The following BSPRY variants were observed in gnomAD, a reference collection of about 807,000 sequenced individuals.
BSPRY encodes the protein B-box and SPRY domain containing.
A neutral mutation model predicts 38.0 loss-of-function variants in BSPRY; 33 were observed. The observed-to-expected ratio is 0.87, with a 90% CI of 0.66 to 1.16. BSPRY has a LOEUF of 1.16. Among genes scored for constraint, BSPRY ranks in the 50% most tolerant of loss-of-function variants. BSPRY has a pLI of 0.00. For synonymous variants in BSPRY, 224 were observed against 228.5 expected (o/e 0.98, Z 0.18); for missense variants, 523 against 533.2 (o/e 0.98, Z 0.19).
intron 1 of BSPRY, among the ~76,000 whole-genome samples, chr9:113,352,889 G>A (rs779043879): frequency 1.3e-5 from 2 of 152,168 alleles, no homozygotes; most frequent in Non-Finnish European, 2.9e-5. Flanking sequence ...CTTTGGAGAT[G>A]GGGTTGATAG....
At chr9:113,361,081 C>T (rs150074121) in intron 3 of BSPRY, among the ~76,000 whole-genome samples, 2 of 152,260 alleles carry the variant, frequency 1.3e-5, no homozygotes, top group Non-Finnish European at 2.9e-5. Flanking sequence ...CTGTCTGCAG[C>T]AAGAATCCTG....
In BSPRY at chr9:113,370,717, GT is replaced by G. The variant is rs1834335448; in HGVS notation, c.*577del. 6.6e-6 allele frequency: 1 copy of G among 152,276 alleles called. No homozygotes were observed. Among genetic ancestry groups the G allele is most frequent in the South Asian group, 2.1e-4 (1 of 4,836 alleles). 9.4% of individuals were successfully genotyped at this position (152,276 alleles called of 1,614,324 possible). A position where few individuals can be genotyped will look rare whatever the true frequency, so the allele number is the denominator to read the frequency against. ...TAGGTGGACAGGTGACTGGGTGGAT[GT>G]TGTGGTCTCTGGAGAAGCACTGCCA... On this transcript the variant is annotated 3_prime_UTR_variant, in exon 6 of 6. Coordinates refer to ENST00000374183, the MANE Select transcript of BSPRY (RefSeq NM_017688.3). This position sits in a 1 kb window ranked among gnomAD's most constrained non-coding sequence, Gnocchi z 4.8.
Position 113,369,924 on chromosome 9 carries a change from G to C in BSPRY, c.991G>C (p.Asp331His). 1 of 1,614,210 alleles carries C rather than the reference G, an allele frequency of 6.2e-7. No homozygotes were observed. Among genetic ancestry groups the C allele is most frequent in the Non-Finnish European group, 8.5e-7 (1 of 1,180,028 alleles). ...NAFSWVFSRY[D>H]QEFRFSHNGQ... The stretch of plus-strand genomic sequence containing the variant: ...CTTCTCCTGGGTCTTCTCTCGCTAT[G>C]ATCAGGAGTTTCGTTTCTCACACAA... The change falls in exon 6 of 6, where the codon GAT (aspartate) becomes CAT (histidine). Residue 331 changes from aspartate to histidine, a missense_variant. Transcript: ENST00000374183.
At chr9:113,360,461 G>A (rs1235295787) in intron 2 of BSPRY, 46 bp from the exon 3 acceptor site, 3 of 1,539,928 alleles carry the variant, frequency 1.9e-6, no homozygotes, top group African/African-American at 1.4e-5. Context: ...AATCCTGACC[G>A]GGGCTTTGCA....
At position 113,360,550 on chromosome 9, in the gene BSPRY, G is replaced by A; in HGVS notation, c.344G>A (p.Ser115Asn). ...AARELVIQRLSLVRSLCESEE... is the reference protein window; with the variant it reads ...AARELVIQRLNLVRSLCESEE... Reference sequence around the variant, plus strand: ...AGGGAACTGGTTATCCAGCGGTTGAGTCTGGTGAGGAGTCTTTGCGAGAGC... The same window carrying A: ...AGGGAACTGGTTATCCAGCGGTTGAATCTGGTGAGGAGTCTTTGCGAGAGC... Residue 115 changes from serine (S) to asparagine (N), a missense_variant, in exon 3 of 6, where the codon AGT becomes AAT. Physicochemically the swap from Ser to Asn is conservative, Grantham distance 46. Transcript: ENST00000374183. 6.2e-7 allele frequency: 1 copy of A among 1,606,922 alleles called. No homozygotes were observed. Among genetic ancestry groups the A allele is most frequent in the Non-Finnish European group, 8.5e-7 (1 of 1,178,130 alleles).
At chr9:113,352,441 T>G (rs761406682) in intron 1 of BSPRY, among the ~76,000 whole-genome samples, 1 of 151,050 alleles carries the variant, frequency 6.6e-6, no homozygotes, top group Non-Finnish European at 1.5e-5. Flanking sequence ...AGGGAAGACC[T>G]CTCTGAAGAG....
chr9:113,368,574 A>T (rs1478786914), intron 5 of BSPRY, among the ~76,000 whole-genome samples, 191 bp downstream of exon 5: 5 of 152,118 alleles, frequency 3.3e-5, no homozygotes, highest in Non-Finnish European at 7.4e-5. Flanking sequence ...AGTCCTTCCC[A>T]TTTCCGGACT....
chr9:113,352,132 C>T (rs1183864285), intron 1 of BSPRY, among the ~76,000 whole-genome samples: 1 of 152,104 alleles, frequency 6.6e-6, no homozygotes, highest in Non-Finnish European at 1.5e-5. Context: ...TTCTAAAACT[C>T]CCCTGAGCTC....
At chr9:113,353,742 G>A (rs1445953659) in intron 1 of BSPRY, among the ~76,000 whole-genome samples, 5 of 151,968 alleles carry the variant, frequency 3.3e-5, no homozygotes, top group Non-Finnish European at 7.4e-5. Flanking sequence ...ATAAACACAA[G>A]ACAAAATGGA....
chr9:113,351,165 C>A (rs1180459649), intron 1 of BSPRY, among the ~76,000 whole-genome samples: 1 of 151,998 alleles, frequency 6.6e-6, no homozygotes, highest in African/African-American at 2.4e-5. Context: ...AAGAGTGAAG[C>A]CTCGGGCAGG....
At chr9:113,360,270 C>G (rs559686016) in intron 2 of BSPRY, among the ~76,000 whole-genome samples, 9 of 152,288 alleles carry the variant, frequency 5.9e-5, no homozygotes, top group African/African-American at 2.2e-4. Context: ...GATCATGGCT[C>G]CCTGAGATAT....
chr9:113,366,435 G>GT (rs1834253570), intron 4 of BSPRY, among the ~76,000 whole-genome samples: 2 of 152,214 alleles, frequency 1.3e-5, no homozygotes, highest in Admixed American at 1.3e-4. Flanking sequence ...TGGCTCTGGT[G>GT]TTTCCACGCT....
Position 113,368,244 on chromosome 9 carries a change from T to C in BSPRY, c.558-15T>C, listed in dbSNP as rs1468626007. 6.2e-7 allele frequency: 1 copy of C among 1,613,716 alleles called. No homozygotes were observed. Among genetic ancestry groups the C allele is most frequent in the Admixed American group, 1.7e-5 (1 of 59,986 alleles). The stretch of plus-strand genomic sequence containing the variant: ...AACCATCCTGAATCTCTGTCTCTGT[T>C]TTTCCCCATATAAGGACCGAAGAAG... On this transcript the variant is annotated splice_polypyrimidine_tract_variant and intron_variant, in intron 4 of 5. Coordinates refer to ENST00000374183, the MANE Select transcript of BSPRY (RefSeq NM_017688.3).
At chr9:113,362,544 A>G (rs559778773) in intron 4 of BSPRY, 150 bp downstream of exon 4, 1 of 798,172 alleles carries the variant, frequency 1.3e-6, no homozygotes. Context: ...TGGACAGGGA[A>G]TGTCTCTGCC....
chr9:113,361,127 A>G (rs1038983918), intron 3 of BSPRY, among the ~76,000 whole-genome samples: 4 of 151,692 alleles, frequency 2.6e-5, no homozygotes, highest in Non-Finnish European at 5.9e-5. Context: ...CTTACCCCCA[A>G]TGTTTCCTCT....
chr9:113,351,955 G>A (rs965478327), intron 1 of BSPRY, among the ~76,000 whole-genome samples: 43 of 151,988 alleles, frequency 2.8e-4, no homozygotes, highest in African/African-American at 8.2e-4. Flanking sequence ...GACTACAGGC[G>A]CATGCCACTA....
chr9:113,356,131 T>C (rs191398493), intron 2 of BSPRY, among the ~76,000 whole-genome samples: 73 of 152,230 alleles, frequency 4.8e-4, no homozygotes, highest in African/African-American at 1.7e-3. Context: ...GAAGGTGATA[T>C]GTGCTATGGG....
chr9:113,354,695 C>T (rs1834028933), intron 2 of BSPRY, among the ~76,000 whole-genome samples: 1 of 152,090 alleles, frequency 6.6e-6, no homozygotes. Context: ...AAGTAGATAG[C>T]AGTAACATCC....
At chr9:113,355,326 T>C (rs1395111309) in intron 2 of BSPRY, among the ~76,000 whole-genome samples, 3 of 152,194 alleles carry the variant, frequency 2.0e-5, no homozygotes, top group Non-Finnish European at 4.4e-5. Flanking sequence ...GTTCTTTTAA[T>C]TGCATGGAAC....
Sources: gnomAD v4.1 joint callset for allele counts (sites outside exome capture counted in the v4.1 genomes callset) on GRCh38, gnomAD v4.1.1 for gene constraint, Gnocchi (gnomAD v3.1) non-coding constraint, MANE v1.5 for transcripts, NCBI Gene and HGNC (gene_info 2026-07-23, HGNC 2026-07-21) for gene names.